Variants in CEP350 observed in about 807,000 individuals in gnomAD.
The protein encoded by CEP350 is centrosomal protein 350.
A neutral mutation model predicts 331.8 loss-of-function variants in CEP350; 126 were observed. The observed-to-expected ratio is 0.38, with a 90% confidence interval of 0.33 to 0.44. CEP350 has a LOEUF of 0.44. Among genes scored for constraint, CEP350 ranks in the 20% least tolerant of loss-of-function variants. The probability of loss-of-function intolerance (pLI) is 1.00; values close to 1 mark genes in which losing one functional copy is unlikely to be tolerated. For missense variants in CEP350, 3,406 were observed against 3,634.6 expected, an observed-to-expected ratio of 0.94 and a Z score of 1.62; for synonymous variants, 1,200 against 1,259.5, an observed-to-expected ratio of 0.95 and a Z score of 1.00.
At chr1:179,963,103 A>G (rs1405243735) in intron 1 of CEP350, among the ~76,000 whole-genome samples, 3 of 151,848 alleles carry the variant, frequency 2.0e-5, no homozygotes, top group African/African-American at 7.3e-5. Flanking sequence ...GGCCACTTGT[A>G]TGTCTTCTTT....
Position 180,044,041 on chromosome 1 carries a change from T to C in CEP350, c.4500-10T>C. 6.6e-7 allele frequency: 1 copy of C among 1,519,446 alleles called. No homozygotes were observed. The highest frequency in any genetic ancestry group is 1.3e-5 in the South Asian group (1 of 78,180). 94.1% of individuals were successfully genotyped at this position (1,519,446 alleles called of 1,614,324 possible). ...TTTGAATGTTTAATCAGTTTTTATT[T>C]TATTTGTAGGAAAAGTCCATCTGTT... is the stretch of plus-strand genomic sequence containing the variant. On this transcript the variant is annotated splice_polypyrimidine_tract_variant and intron_variant, in intron 20 of 37. Coordinates refer to ENST00000367607, the MANE Select transcript of CEP350 (RefSeq NM_014810.5).
chr1:180,053,737 C>T lies in CEP350; in HGVS notation c.4990-13C>T, dbSNP rs1657649149. 6.7e-7 allele frequency: 1 copy of T among 1,482,418 alleles called. No individual in the cohort carries two copies. Among genetic ancestry groups the T allele is most frequent in the Non-Finnish European group, 9.1e-7 (1 of 1,095,878 alleles). The allele number at this position is 1,482,418 out of a possible 1,614,324, so 91.8% of individuals were successfully genotyped here. ...TAGATGATGATAAACAAGAAAGAAA[C>T]CATCTACTTTAGGAACTGAACATGC... On this transcript the variant is annotated splice_polypyrimidine_tract_variant and intron_variant, in intron 23 of 37. Transcript: ENST00000367607.
Position 180,034,016 on chromosome 1 carries a change from G to A in CEP350, c.3880G>A (p.Ala1294Thr). ...PPTITGFKPN[A>T]PLTDLNPAAS... ...AACTATAACAGGATTTAAGCCTAAT[G>A]CACCTCTCACTGATCTGAACCCGGC... is the stretch of plus-strand genomic sequence containing the variant. Residue 1294 changes from alanine to threonine, a missense_variant, in exon 16 of 38, where the codon GCA becomes ACA. Around this residue, in one of 5 missense-constraint regions of CEP350, gnomAD observed 1,857 missense variants for 1,909.2 expected, o/e 0.97. Coordinates refer to ENST00000367607, the MANE Select transcript of CEP350 (RefSeq NM_014810.5). The A allele has an allele frequency of 2.5e-6, 4 of 1,613,814 alleles. No homozygotes were observed. Among genetic ancestry groups the A allele is most frequent in the Non-Finnish European group, 3.4e-6 (4 of 1,179,798 alleles).
intron 15 of CEP350, among the ~76,000 whole-genome samples, chr1:180,031,715 A>G (rs968062238): frequency 2.0e-5 from 3 of 151,634 alleles, no homozygotes; most frequent in Admixed American, 6.6e-5. Context: ...AACTGTTACA[A>G]CCTCTTTCTC....
chr1:179,977,889 C>G (rs892484212), intron 1 of CEP350, among the ~76,000 whole-genome samples: 1 of 151,170 alleles, frequency 6.6e-6, no homozygotes, highest in South Asian at 2.1e-4. Context: ...ATTCTGTAAG[C>G]TTTTGTTCAA....
chr1:180,098,181 G>T (rs1320862675), intron 36 of CEP350, among the ~76,000 whole-genome samples: 1 of 152,102 alleles, frequency 6.6e-6, no homozygotes, highest in South Asian at 2.1e-4. Context: ...TGTTGGTCAG[G>T]CTGGTCTCGA....
At chr1:180,068,479 G>A (rs1002297975) in intron 27 of CEP350, among the ~76,000 whole-genome samples, 5 of 152,072 alleles carry the variant, frequency 3.3e-5, no homozygotes, top group Admixed American at 3.3e-4. Context: ...TTATTGTTAA[G>A]TGAAATCTGA....
At chr1:180,055,196 C>G (rs1657740112) in intron 25 of CEP350, among the ~76,000 whole-genome samples, 1 of 152,090 alleles carries the variant, frequency 6.6e-6, no homozygotes, top group Admixed American at 6.5e-5. Context: ...ATATTAGTTG[C>G]TATTATTTGA....
chr1:180,001,749 G>GCAATT (rs1653881893), intron 6 of CEP350, among the ~76,000 whole-genome samples: 2 of 152,208 alleles, frequency 1.3e-5, no homozygotes, highest in Non-Finnish European at 2.9e-5. Context: ...ATAGATGGTA[G>GCAATT]CAATTATAAT....
At chr1:179,967,879 A>G (rs913243012) in intron 1 of CEP350, among the ~76,000 whole-genome samples, 2 of 152,152 alleles carry the variant, frequency 1.3e-5, no homozygotes, top group African/African-American at 4.8e-5. Flanking sequence ...AGGAATGTCT[A>G]ACCTTTTCAT....
rs542269180 is a variant in CEP350, at chr1:180,046,462, A to G, written c.4623-2074A>G. On this transcript the variant is annotated intron_variant, in intron 21 of 37. Transcript: ENST00000367607. Reference sequence around the variant, plus strand: ...ATATTCTATTGCCTGGATATCCCACATTTTATTTATCCATTCATCAGTTGG... The same window carrying G: ...ATATTCTATTGCCTGGATATCCCACGTTTTATTTATCCATTCATCAGTTGG... Among the ~76,000 whole-genome samples, 3 of 152,242 alleles carry G rather than the reference A, an allele frequency of 2.0e-5. No homozygotes were observed. The East Asian group carries it at 5.8e-4, about 29-fold the overall frequency.
At chr1:180,032,004 C>T (rs890098147) in intron 15 of CEP350, among the ~76,000 whole-genome samples, 5 of 149,774 alleles carry the variant, frequency 3.3e-5, no homozygotes, top group Non-Finnish European at 7.4e-5. Context: ...TTATTTCTTC[C>T]TCTCAACTTT....
intron 37 of CEP350, among the ~76,000 whole-genome samples, chr1:180,105,985 G>A (rs574044170): frequency 6.6e-6 from 1 of 152,116 alleles, no homozygotes; most frequent in Non-Finnish European, 1.5e-5. Context: ...TTCACCTCTA[G>A]TTCTCATTCA....
chr1:180,002,244 C>T (rs996075513), intron 6 of CEP350, among the ~76,000 whole-genome samples: 9 of 152,096 alleles, frequency 5.9e-5, no homozygotes, highest in African/African-American at 1.2e-4. Context: ...GAGACCAAGG[C>T]GGGTGGATCA....
chr1:179,975,892 CT>C (rs1362986173), intron 1 of CEP350, among the ~76,000 whole-genome samples: 1 of 151,832 alleles, frequency 6.6e-6, no homozygotes, highest in African/African-American at 2.4e-5. Context: ...GTAGAAGGAG[CT>C]AGAGAACAAG....
In CEP350 at chr1:180,093,733, A is replaced by G. The variant is rs1660323768; in HGVS notation, c.7628A>G (p.Asp2543Gly). 6.2e-7 allele frequency: 1 copy of G among 1,613,798 alleles called. No homozygotes were observed. The highest frequency in any genetic ancestry group is 8.5e-7 in the Non-Finnish European group (1 of 1,179,824). The change falls in exon 34 of 38, where the codon GAT (aspartate) becomes GGT (glycine). Residue 2543 changes from aspartate to glycine, a missense_variant. Coordinates refer to ENST00000367607, the MANE Select transcript of CEP350 (RefSeq NM_014810.5). ...GAAGGAAATAACAATGGAACATATG[A>G]TGGTATTGCATATTTTGAGTGCAAA... ...KPEGNNNGTY[D>G]GIAYFECKEK...
Position 180,020,188 on chromosome 1 carries a change from C to T in CEP350, c.2414C>T (p.Ala805Val). Residue 805 changes from alanine to valine, a missense_variant, in exon 12 of 38, where the codon GCT (alanine) becomes GTT (valine). By Grantham distance (64) the Ala-to-Val change is moderately conservative (BLOSUM62 0). Transcript: ENST00000367607. Reference protein sequence around the residue: ...TPQPYVTSPAAYTDALLKPSA... With the variant: ...TPQPYVTSPAVYTDALLKPSA... ...CAACCATATGTGACCTCACCAGCTG[C>T]TTATACAGATGCCTTGTTAAAACCT... The T allele has an allele frequency of 6.2e-7, 1 of 1,614,028 alleles. No homozygotes were observed. The highest frequency in any genetic ancestry group is 8.5e-7 in the Non-Finnish European group (1 of 1,179,900).
Position 180,033,995 on chromosome 1 carries a change from A to G in CEP350, c.3859A>G (p.Ile1287Val), listed in dbSNP as rs1656186568. 2 of 1,613,868 alleles carry G rather than the reference A, an allele frequency of 1.2e-6. No individual in the cohort carries two copies. The highest frequency in any genetic ancestry group is 1.3e-5 in the African/African-American group (1 of 75,034). The change falls in exon 16 of 38, where the codon ATA (isoleucine) becomes GTA (valine). Residue 1287 changes from isoleucine (I) to valine (V), a missense_variant. Ile to Val is a conservative substitution (Grantham distance 29). This residue lies in a region of CEP350 where 1,857 missense variants were observed against 1,909.2 expected (regional missense o/e 0.97). Coordinates refer to ENST00000367607, the MANE Select transcript of CEP350 (RefSeq NM_014810.5). The part of the protein sequence containing the change: ...RSKSSVMPPT[I>V]TGFKPNAPLT... ...TAAGTCGTCAGTAATGCCTCCAACT[A>G]TAACAGGATTTAAGCCTAATGCACC... is the stretch of plus-strand genomic sequence containing the variant.
chr1:180,036,302 A>G (rs952855286), intron 16 of CEP350, among the ~76,000 whole-genome samples: 5 of 152,246 alleles, frequency 3.3e-5, no homozygotes, highest in African/African-American at 1.2e-4. Context: ...ATAAACTTTA[A>G]TTGATAAAGC....
Sources: allele counts gnomAD v4.1 joint callset (sites outside exome capture counted in the v4.1 genomes callset), GRCh38; gene constraint gnomAD v4.1.1; regional missense constraint gnomAD v4.1.1; transcripts MANE v1.5; gene names NCBI Gene and HGNC (gene_info 2026-07-23, HGNC 2026-07-21).